EFHC1: variants seen among roughly 807,000 people sequenced by gnomAD.
The protein encoded by EFHC1 is EF-hand domain-containing protein 1.
EFHC1 carries 53 observed loss-of-function variants against 69.9 expected under a neutral mutation model. The observed-to-expected ratio is 0.76, with a 90% CI of 0.61 to 0.95. The LOEUF (loss-of-function observed/expected upper bound fraction) is 0.95. Ranked by LOEUF, EFHC1 falls within the 40% of genes least tolerant of loss-of-function variation. The pLI, the probability that EFHC1 is intolerant of heterozygous loss-of-function variation, is 0.00. For synonymous variants in EFHC1, 256 were observed against 278.4 expected, an observed-to-expected ratio of 0.92 and a Z score of 0.80; for missense variants, 739 against 798.7, an observed-to-expected ratio of 0.93 and a Z score of 0.90.
chr6:52,480,484 G>T (rs1014274305), intron 9 of EFHC1, among the ~76,000 whole-genome samples: 20 of 152,166 alleles, frequency 1.3e-4, no homozygotes, highest in Non-Finnish European at 2.6e-4. Context: ...ACAAGAAGTT[G>T]CTGCCCACAT....
intron 3 of EFHC1, among the ~76,000 whole-genome samples, chr6:52,442,286 G>GTTTA (rs765099935): frequency 5.3e-5 from 8 of 151,850 alleles, no homozygotes; most frequent in African/African-American, 9.7e-5. Context: ...TTAATACCTA[G>GTTTA]TTTATTTATT....
intron 3 of EFHC1, among the ~76,000 whole-genome samples, chr6:52,447,582 A>G (rs1364110650): frequency 1.3e-5 from 2 of 152,210 alleles, no homozygotes; most frequent in Non-Finnish European, 2.9e-5. Flanking sequence ...CATCAAAGTC[A>G]TTCTGCATCC....
intron 6 of EFHC1, 159 bp from the exon 7 acceptor site, chr6:52,469,174 A>AT (rs1765378669): frequency 3.4e-6 from 3 of 890,228 alleles, no homozygotes; most frequent in Non-Finnish European, 5.1e-6. Context: ...GAGGAAGGGG[A>AT]TAAGTGATAT....
chr6:52,493,082 AAG>A lies in EFHC1; in HGVS notation c.*745_*746del. Reference sequence around the variant, plus strand: ...TAAAAAGGCTGACCTTTCCCCAGGTAAGAGAATTCCTCCTGCCTGACTGGCTT... The same window carrying A: ...TAAAAAGGCTGACCTTTCCCCAGGTAAGAATTCCTCCTGCCTGACTGGCTT... On this transcript the variant is annotated 3_prime_UTR_variant, in exon 11 of 11. Transcript: ENST00000371068. 2.2e-6 allele frequency: 1 copy of A among 454,066 alleles called. No individual in the cohort carries two copies. The allele number at this position is 454,066 out of a possible 1,614,324, so 28.1% of individuals were successfully genotyped here. A position where few individuals can be genotyped will look rare whatever the true frequency, so the allele number is the denominator to read the frequency against.
chr6:52,488,946 A>G (rs1196550123), intron 9 of EFHC1: 2 of 152,218 alleles, frequency 1.3e-5, no homozygotes. Flanking sequence ...TCTCAAAACA[A>G]TCTTATAGAT....
intron 2 of EFHC1, among the ~76,000 whole-genome samples, chr6:52,436,831 G>A (rs185304888): frequency 6.6e-6 from 1 of 151,988 alleles, no homozygotes; most frequent in Non-Finnish European, 1.5e-5. Flanking sequence ...TAGTACAGAC[G>A]GGGTTTCACC....
chr6:52,426,470 C>G (rs1764303155), intron 2 of EFHC1, among the ~76,000 whole-genome samples: 1 of 152,100 alleles, frequency 6.6e-6, no homozygotes, highest in East Asian at 1.9e-4. Context: ...AAGGCTCTAT[C>G]TCATTCTTTA....
At chr6:52,454,532 A>C (rs896493005) in intron 5 of EFHC1, among the ~76,000 whole-genome samples, 5 of 152,206 alleles carry the variant, frequency 3.3e-5, no homozygotes, top group Non-Finnish European at 7.3e-5. Flanking sequence ...GATTTATTTA[A>C]AGTGCAGCAG....
intron 2 of EFHC1, among the ~76,000 whole-genome samples, chr6:52,434,902 T>TATAC (rs1321350109): frequency 6.7e-6 from 1 of 150,116 alleles, no homozygotes; most frequent in Admixed American, 6.6e-5. Context: ...TATATATATA[T>TATAC]ACATACACAC....
chr6:52,476,937 C>CAGACAAATTGATTCTA, intron 7 of EFHC1, among the ~76,000 whole-genome samples: 1 of 152,158 alleles, frequency 6.6e-6, no homozygotes, highest in South Asian at 2.1e-4. Context: ...GATAATTGTA[C>CAGACAAATTGATTCTA]TAATGGCTAT....
rs1169872757 is a variant in EFHC1 at position 52,494,287 on chromosome 6, T to C, written c.*1946T>C. ...TCAGCTTAAAAATTACCAAGCTCTA[T>C]CCTACTTGGCCCAGCTCAGTCCTTC... On this transcript the variant is annotated 3_prime_UTR_variant, in exon 11 of 11. Transcript: ENST00000371068. 2.2e-6 allele frequency: 1 copy of C among 453,998 alleles called. No homozygotes were observed. The highest frequency in any genetic ancestry group is 2.0e-5 in the African/African-American group (1 of 49,992). 28.1% of individuals were successfully genotyped at this position (453,998 alleles called of 1,614,324 possible). A position where few individuals can be genotyped will look rare whatever the true frequency, so the allele number is the denominator to read the frequency against.
At chr6:52,443,095 G>A (rs937895437) in intron 3 of EFHC1, among the ~76,000 whole-genome samples, 1 of 152,174 alleles carries the variant, frequency 6.6e-6, no homozygotes, top group African/African-American at 2.4e-5. Context: ...CTTTTGAGAA[G>A]TGTCTGTTCA....
chr6:52,461,708 A>G (rs1765171518), intron 5 of EFHC1, among the ~76,000 whole-genome samples: 1 of 152,202 alleles, frequency 6.6e-6, no homozygotes, highest in South Asian at 2.1e-4. Flanking sequence ...AGTGTTTTTA[A>G]AAACATACTT....
Position 52,449,938 on chromosome 6 carries a change from A to G in EFHC1, c.574-2750A>G, listed in dbSNP as rs114474149. On this transcript the variant is annotated intron_variant, in intron 3 of 10. Coordinates refer to ENST00000371068, the MANE Select transcript of EFHC1 (RefSeq NM_018100.4). ...TGAGATGTAACTTTTTGACATCGGC[A>G]TTTAGTGCTATAAATTTCCGTCTTA... Among the ~76,000 whole-genome samples, 847 of 152,232 alleles carry G rather than the reference A, an allele frequency of 5.6e-3. 8 individuals are homozygous for G. The highest frequency in any genetic ancestry group is 0.019 in the African/African-American group (797 of 41,522).
At chr6:52,489,866 A>G (rs1013805266) in intron 9 of EFHC1, among the ~76,000 whole-genome samples, 1 of 152,208 alleles carries the variant, frequency 6.6e-6, no homozygotes, top group Non-Finnish European at 1.5e-5. Flanking sequence ...TGGTGGTGGT[A>G]TTAGATTTGC....
chr6:52,480,826 A>G (rs952080903), intron 9 of EFHC1, among the ~76,000 whole-genome samples: 1 of 152,178 alleles, frequency 6.6e-6, no homozygotes. Context: ...GGGTGGCTGA[A>G]ATTGAGTGAG....
chr6:52,423,060 C>T lies in EFHC1; in HGVS notation c.64-886C>T, dbSNP rs564396327. ...TACCATTGTAATGGGCAGCTTCAGG[C>T]ATATAGTTCTTTCTCATAATTCTGA... is the stretch of plus-strand genomic sequence containing the variant. On this transcript the variant is annotated intron_variant, in intron 1 of 10. Coordinates refer to ENST00000371068, the MANE Select transcript of EFHC1 (RefSeq NM_018100.4). 2.8e-4 allele frequency among the ~76,000 whole-genome samples: 42 copies of T among 152,284 alleles called. No individual in the cohort carries two copies. The South Asian group carries it at 3.7e-3, about 14-fold the overall frequency.
rs189122184 is a variant in EFHC1, at chr6:52,461,153, T to C, written c.917-3742T>C. Among the ~76,000 whole-genome samples, 24 of 152,094 alleles carry C rather than the reference T, an allele frequency of 1.6e-4. No individual in the cohort carries two copies. In the East Asian group the frequency reaches 2.7e-3, roughly 17 times the overall value. ...GAGCTTGTGTCATGCAGGTTTGTTG[T>C]ACATTTTGTCTCCCAGGTATTAAGC... On this transcript the variant is annotated intron_variant, in intron 5 of 10. Transcript: ENST00000371068.
chr6:52,434,587 C>T (rs1337729843), intron 2 of EFHC1, among the ~76,000 whole-genome samples: 1 of 152,130 alleles, frequency 6.6e-6, no homozygotes, highest in Non-Finnish European at 1.5e-5. Flanking sequence ...TCTGTGGATT[C>T]TCTCTGCTTA....
Sources: gnomAD v4.1 joint callset for allele counts (sites outside exome capture counted in the v4.1 genomes callset) on GRCh38, gnomAD v4.1.1 for gene constraint, MANE v1.5 for transcripts, NCBI Gene and HGNC (gene_info 2026-07-23, HGNC 2026-07-21) for gene names.